DPP10: variants seen among roughly 807,000 people sequenced by gnomAD.
The protein encoded by DPP10 is dipeptidyl peptidase like 10.
A neutral mutation model predicts 120.9 loss-of-function variants in DPP10; 33 were observed. That is an observed-to-expected ratio of 0.27 (90% CI 0.21 to 0.37). The LOEUF (loss-of-function observed/expected upper bound fraction) is 0.37, where lower values mean the gene tolerates loss of function less well. Ranked by LOEUF, DPP10 falls within the 10% of genes least tolerant of loss-of-function variation. The pLI, the probability that DPP10 is intolerant of heterozygous loss-of-function variation, is 1.00. For missense variants in DPP10, 816 were observed against 942.8 expected (o/e 0.87, Z 1.76); for synonymous variants, 337 against 326.1 (o/e 1.03, Z -0.36).
intron 5 of DPP10, among the ~76,000 whole-genome samples, chr2:115,561,766 T>C (rs2080695259): frequency 6.6e-6 from 1 of 152,202 alleles, no homozygotes; most frequent in Non-Finnish European, 1.5e-5. Flanking sequence ...TTTTTTTAAA[T>C]AAATTGGAAA....
intron 1 of DPP10, among the ~76,000 whole-genome samples, chr2:115,293,874 GCTATAAAGAAGTACTT>G: frequency 6.6e-6 from 1 of 152,074 alleles, no homozygotes; most frequent in African/African-American, 2.4e-5. Flanking sequence ...ACAAACTAAG[GCTATAAAGAAGTACTT>G]TGTTTTTGAT....
intron 1 of DPP10, among the ~76,000 whole-genome samples, chr2:115,124,141 C>G (rs1259452848): frequency 6.6e-6 from 1 of 151,990 alleles, no homozygotes; most frequent in Non-Finnish European, 1.5e-5. Context: ...GGGGCTCTTG[C>G]CATCTTGCCC....
At chr2:115,224,775 C>G (rs1250029580) in intron 1 of DPP10, among the ~76,000 whole-genome samples, 3 of 151,990 alleles carry the variant, frequency 2.0e-5, no homozygotes, top group African/African-American at 7.2e-5. Flanking sequence ...ATGTTATATA[C>G]CATAAATATA....
chr2:114,726,596 A>G (rs1468463201), intron 1 of DPP10, among the ~76,000 whole-genome samples: 4 of 152,286 alleles, frequency 2.6e-5, no homozygotes, highest in African/African-American at 9.6e-5. Context: ...GAAAAATTTC[A>G]CTTTGCTGTT....
intron 1 of DPP10, among the ~76,000 whole-genome samples, chr2:115,096,001 C>T (rs1325224629): frequency 6.6e-6 from 1 of 152,004 alleles, no homozygotes; most frequent in Non-Finnish European, 1.5e-5. Flanking sequence ...TTGCCAATGT[C>T]TTATCTATCT....
chr2:114,560,034 T>C (rs559738458), intron 1 of DPP10, among the ~76,000 whole-genome samples: 46 of 152,316 alleles, frequency 3.0e-4, no homozygotes, highest in African/African-American at 1.0e-3. Flanking sequence ...ATGCAAATGC[T>C]GTAGAATGAT....
chr2:115,784,585 A>G (rs10184739), intron 17 of DPP10, among the ~76,000 whole-genome samples: 151,277 of 152,312 alleles, frequency 0.99, 75,134 homozygotes, highest in Middle Eastern at 1. Flanking sequence ...CCAGGCTGGA[A>G]TGCAATGGTG....
At chr2:115,433,721 C>T (rs957996265) in intron 3 of DPP10, among the ~76,000 whole-genome samples, 1 of 151,928 alleles carries the variant, frequency 6.6e-6, no homozygotes, top group Non-Finnish European at 1.5e-5. Context: ...CAGTATTTTT[C>T]TCCTGGAGTT....
At chr2:115,427,328 C>G (rs563521516) in intron 3 of DPP10, among the ~76,000 whole-genome samples, 3 of 152,334 alleles carry the variant, frequency 2.0e-5, no homozygotes, top group African/African-American at 7.2e-5. Context: ...GGTAGAGTTT[C>G]TCTGTGAGGG....
chr2:115,405,517 G>A (rs1389606529), intron 3 of DPP10, among the ~76,000 whole-genome samples: 1 of 152,148 alleles, frequency 6.6e-6, no homozygotes, highest in African/African-American at 2.4e-5. Context: ...CCAGAGGGAA[G>A]TGGCCCTGCT....
intron 5 of DPP10, among the ~76,000 whole-genome samples, chr2:115,632,131 CTTCTTG>C (rs2149320369): frequency 6.6e-6 from 1 of 152,252 alleles, no homozygotes; most frequent in South Asian, 2.1e-4. Flanking sequence ...ATAGCTAGCT[CTTCTTG>C]TTGAATTGAA....
intron 1 of DPP10, among the ~76,000 whole-genome samples, chr2:114,618,692 CAT>C (rs1347281806): frequency 6.6e-6 from 1 of 151,936 alleles, no homozygotes; most frequent in Admixed American, 6.6e-5. Context: ...AAGTTGGTAA[CAT>C]GTGAACTGAA....
At chr2:115,819,169 T>C (rs1030233820) in intron 21 of DPP10, among the ~76,000 whole-genome samples, 6 of 152,234 alleles carry the variant, frequency 3.9e-5, no homozygotes, top group African/African-American at 1.4e-4. Flanking sequence ...ATAAAGAAAT[T>C]TGGAGCTATT....
intron 7 of DPP10, among the ~76,000 whole-genome samples, chr2:115,720,446 A>C (rs1391168564): frequency 6.6e-6 from 1 of 152,148 alleles, no homozygotes; most frequent in African/African-American, 2.4e-5. Flanking sequence ...CCATCTAAAA[A>C]TATGTCTTAA....
At chr2:115,749,402 A>G (rs993834584) in intron 10 of DPP10, among the ~76,000 whole-genome samples, 3 of 152,076 alleles carry the variant, frequency 2.0e-5, no homozygotes, top group Non-Finnish European at 4.4e-5. Context: ...CTTCTTAGAA[A>G]TCTTTCTGTA....
intron 1 of DPP10, among the ~76,000 whole-genome samples, chr2:115,048,130 G>A (rs1324554380): frequency 6.6e-6 from 1 of 152,076 alleles, no homozygotes; most frequent in African/African-American, 2.4e-5. Context: ...TGGATACAGT[G>A]CCACGGTCAA....
At chr2:115,404,908 C>T (rs756558123) in intron 3 of DPP10, among the ~76,000 whole-genome samples, 28 of 152,200 alleles carry the variant, frequency 1.8e-4, no homozygotes, top group Non-Finnish European at 1.3e-4. Context: ...CTTTTAAAGG[C>T]AGTACCTCCC....
At chr2:115,470,149 T>C (rs1053852116) in intron 3 of DPP10, among the ~76,000 whole-genome samples, 6 of 152,184 alleles carry the variant, frequency 3.9e-5, no homozygotes, top group African/African-American at 1.4e-4. Flanking sequence ...TGCCCTCTTC[T>C]AAAGCAAGAA....
intron 1 of DPP10, among the ~76,000 whole-genome samples, chr2:114,517,421 G>A (rs1684683936): frequency 6.6e-6 from 1 of 151,904 alleles, no homozygotes; most frequent in Admixed American, 6.6e-5. Context: ...TCGGGAGGCT[G>A]AGACAGGAGA....
Sources: gnomAD v4.1 joint callset for allele counts (sites outside exome capture counted in the v4.1 genomes callset) on GRCh38, gnomAD v4.1.1 for gene constraint, MANE v1.5 for transcripts, NCBI Gene and HGNC (gene_info 2026-07-23, HGNC 2026-07-21) for gene names.